The following LRFN2 variants were observed in gnomAD, a reference collection of about 807,000 sequenced individuals.
LRFN2 encodes leucine-rich repeat and fibronectin type-III domain-containing protein 2.
LRFN2 carries 18 observed loss-of-function variants against 37.3 expected under a neutral mutation model. The ratio of observed to expected loss-of-function variants is 0.48; its 90% confidence interval spans 0.33 to 0.72. The LOEUF (loss-of-function observed/expected upper bound fraction) is 0.72, where lower values mean the gene tolerates loss of function less well. Ranked by LOEUF, LRFN2 falls within the 30% of genes least tolerant of loss-of-function variation. LRFN2 has a pLI of 0.02. For missense variants in LRFN2, 1,006 were observed against 1,060.7 expected, an observed-to-expected ratio of 0.95 and a Z score of 0.72; for synonymous variants, 556 against 466.6, an observed-to-expected ratio of 1.19 and a Z score of -2.47.
At chr6:40,395,656 G>A (rs571779143) in intron 2 of LRFN2, among the ~76,000 whole-genome samples, 1 of 152,200 alleles carries the variant, frequency 6.6e-6, no homozygotes, top group Admixed American at 6.5e-5. Flanking sequence ...GTAACTGTGC[G>A]CCATGCTCTA....
chr6:40,440,228 A>G (rs2113833361), intron 1 of LRFN2, among the ~76,000 whole-genome samples: 1 of 152,330 alleles, frequency 6.6e-6, no homozygotes, highest in Non-Finnish European at 1.5e-5. Flanking sequence ...AGCAATTGTT[A>G]TCATAAGTAA....
intron 1 of LRFN2, among the ~76,000 whole-genome samples, chr6:40,584,046 A>T (rs886759861): frequency 6.6e-6 from 1 of 152,106 alleles, no homozygotes; most frequent in Non-Finnish European, 1.5e-5. Flanking sequence ...CAGAGGTGAA[A>T]TTTGCTCCTC....
At chr6:40,476,584 C>A (rs1423308030) in intron 1 of LRFN2, among the ~76,000 whole-genome samples, 2 of 152,232 alleles carry the variant, frequency 1.3e-5, no homozygotes, top group East Asian at 1.9e-4. Flanking sequence ...TTCCACCTGG[C>A]AAACTTGTAT....
intron 1 of LRFN2, among the ~76,000 whole-genome samples, chr6:40,454,444 A>G (rs1764192108): frequency 1.3e-5 from 2 of 152,206 alleles, no homozygotes; most frequent in African/African-American, 4.8e-5. Context: ...TCAAGGGTGC[A>G]ATGGGCAGCA....
intron 1 of LRFN2, among the ~76,000 whole-genome samples, chr6:40,513,154 C>CGA (rs1223293551): frequency 6.6e-6 from 1 of 151,840 alleles, no homozygotes; most frequent in East Asian, 1.9e-4. Flanking sequence ...TCTGCAAGCT[C>CGA]GAGTGTTCAA....
chr6:40,573,201 A>T (rs1015463120), intron 1 of LRFN2, among the ~76,000 whole-genome samples: 1 of 152,202 alleles, frequency 6.6e-6, no homozygotes, highest in Non-Finnish European at 1.5e-5. Flanking sequence ...TCTGTCCTAT[A>T]GAACAGGTTT....
At chr6:40,527,970 C>G (rs1766283593) in intron 1 of LRFN2, among the ~76,000 whole-genome samples, 1 of 152,112 alleles carries the variant, frequency 6.6e-6, no homozygotes, top group Non-Finnish European at 1.5e-5. Context: ...CTCATGTAAT[C>G]CTACAAAGTG....
chr6:40,425,270 TG>T (rs1763325583), intron 2 of LRFN2, among the ~76,000 whole-genome samples: 1 of 152,086 alleles, frequency 6.6e-6, no homozygotes, highest in Non-Finnish European at 1.5e-5. Context: ...TACACAAGGA[TG>T]GGGGCAGCAT....
chr6:40,572,762 G>A (rs1435907978), intron 1 of LRFN2, among the ~76,000 whole-genome samples: 1 of 152,228 alleles, frequency 6.6e-6, no homozygotes, highest in Non-Finnish European at 1.5e-5. Flanking sequence ...CCCAGCTAGT[G>A]GAAGGAGTGA....
chr6:40,557,646 C>A (rs1766915191), intron 1 of LRFN2, among the ~76,000 whole-genome samples: 1 of 152,104 alleles, frequency 6.6e-6, no homozygotes, highest in African/African-American at 2.4e-5. Flanking sequence ...CAGCCAGGAC[C>A]CAAACCATTG....
intron 1 of LRFN2, among the ~76,000 whole-genome samples, chr6:40,433,522 G>GTGGA (rs921191740): frequency 2.9e-4 from 44 of 151,996 alleles, no homozygotes; most frequent in East Asian, 7.7e-4. Flanking sequence ...GGATGGATGG[G>GTGGA]TGGATGGATG....
chr6:40,584,140 G>A (rs1767457288), intron 1 of LRFN2, among the ~76,000 whole-genome samples: 1 of 152,096 alleles, frequency 6.6e-6, no homozygotes, highest in South Asian at 2.1e-4. Context: ...AAACCCTCCT[G>A]GCAGCTCCCT....
intron 1 of LRFN2, among the ~76,000 whole-genome samples, chr6:40,442,263 G>T (rs1341210116): frequency 6.6e-6 from 1 of 152,182 alleles, no homozygotes; most frequent in East Asian, 1.9e-4. Context: ...TTTCCATTTG[G>T]CTGGAGAATG....
chr6:40,477,073 A>G (rs987202046), intron 1 of LRFN2, among the ~76,000 whole-genome samples: 1 of 152,220 alleles, frequency 6.6e-6, no homozygotes. Context: ...CCAACCACAT[A>G]TTAGACTTAC....
intron 1 of LRFN2, among the ~76,000 whole-genome samples, chr6:40,466,829 C>T (rs78470192): frequency 0.028 from 4,326 of 152,180 alleles, 114 homozygotes; most frequent in East Asian, 0.097. Flanking sequence ...AGAAATATAA[C>T]TGTATTTGGA....
intron 1 of LRFN2, among the ~76,000 whole-genome samples, chr6:40,541,549 G>T (rs1766555343): frequency 6.6e-6 from 1 of 152,144 alleles, no homozygotes; most frequent in Non-Finnish European, 1.5e-5. Context: ...AAACCATAAA[G>T]GCAGACATCA....
chr6:40,514,897 AC>A (rs968096209), intron 1 of LRFN2, among the ~76,000 whole-genome samples: 9 of 151,838 alleles, frequency 5.9e-5, no homozygotes, highest in Admixed American at 2.0e-4. Context: ...CTTATGCAGC[AC>A]CCCCTCTTAT....
At chr6:40,563,857 T>C (rs1284077897) in intron 1 of LRFN2, among the ~76,000 whole-genome samples, 1 of 152,152 alleles carries the variant, frequency 6.6e-6, no homozygotes, top group Non-Finnish European at 1.5e-5. Context: ...CCACCCCTTC[T>C]CTCATTTCAC....
Position 40,392,077 on chromosome 6 carries a change from G to A in LRFN2, c.2236C>T (p.Arg746Trp), listed in dbSNP as rs201632417. 2.0e-5 allele frequency: 32 copies of A among 1,614,078 alleles called. No homozygotes were observed. In the East Asian group the frequency reaches 4.5e-4, roughly 22 times the overall value. The change falls in exon 3 of 3, where the codon CGG becomes TGG. Residue 746 changes from arginine to tryptophan, a missense_variant. Around this residue, in one of 4 missense-constraint regions of LRFN2, gnomAD observed 398 missense variants for 327.6 expected, o/e 1.21. Transcript: ENST00000338305. The surrounding 1 kb of genome is among the most constrained non-coding windows in gnomAD (Gnocchi z 4.7). Reference protein sequence around the residue: ...GVVPGGYSPPRKVSNIWTKRS... With the variant: ...GVVPGGYSPPWKVSNIWTKRS... The stretch of plus-strand genomic sequence containing the variant: ...TTCGTCCAGATGTTCGAGACCTTCC[G>A]AGGAGGACTGTAGCCGCCCGGCACG...
Sources: allele counts gnomAD v4.1 joint callset (sites outside exome capture counted in the v4.1 genomes callset), GRCh38; gene constraint gnomAD v4.1.1; regional missense constraint gnomAD v4.1.1; non-coding constraint Gnocchi (gnomAD v3.1); transcripts MANE v1.5; gene names NCBI Gene and HGNC (gene_info 2026-07-23, HGNC 2026-07-21).